SPTLC3: variants seen among roughly 807,000 people sequenced by gnomAD.
The protein encoded by SPTLC3 is serine palmitoyltransferase long chain base subunit 3, also known as serine palmitoyltransferase 3.
Under a neutral mutation model 59.3 loss-of-function variants are expected in SPTLC3, and 36 were observed. The observed-to-expected ratio is 0.61, with a 90% CI of 0.47 to 0.80. The LOEUF is 0.80. SPTLC3 is among the 30% of genes least tolerant of loss of function. The pLI is 0.00. For synonymous variants in SPTLC3, 257 were observed against 240.8 expected (o/e 1.07, Z -0.62); for missense variants, 625 against 685.1 (o/e 0.91, Z 0.98).
intron 1 of SPTLC3, among the ~76,000 whole-genome samples, chr20:13,018,921 T>C (rs1451527321): frequency 1.3e-5 from 2 of 152,190 alleles, no homozygotes; most frequent in African/African-American, 2.4e-5. Flanking sequence ...TTTCCGGTGA[T>C]TTGGAGTTCA....
chr20:13,147,786 G>C (rs1255543051), intron 9 of SPTLC3, among the ~76,000 whole-genome samples: 2 of 152,164 alleles, frequency 1.3e-5, no homozygotes, highest in Admixed American at 1.3e-4. Flanking sequence ...CTGTATTCTG[G>C]ACAGTGGTCA....
chr20:13,094,089 G>A (rs1341068076), intron 6 of SPTLC3, among the ~76,000 whole-genome samples: 1 of 152,148 alleles, frequency 6.6e-6, no homozygotes, highest in African/African-American at 2.4e-5. Context: ...GCTGGGTGGT[G>A]AGGAGCAGGC....
At chr20:13,030,278 GA>G (rs1345810601) in intron 1 of SPTLC3, among the ~76,000 whole-genome samples, 1 of 152,190 alleles carries the variant, frequency 6.6e-6, no homozygotes, top group African/African-American at 2.4e-5. Context: ...CTAGCCTTTT[GA>G]ATTTTGGTCA....
chr20:13,068,407 A>G (rs1424615853), intron 2 of SPTLC3, among the ~76,000 whole-genome samples: 1 of 152,236 alleles, frequency 6.6e-6, no homozygotes, highest in Non-Finnish European at 1.5e-5. Flanking sequence ...TTTTTGAAAT[A>G]TCAAGTCCAG....
Position 13,166,666 on chromosome 20 carries a change from C to T in SPTLC3, c.*1799C>T, listed in dbSNP as rs771173338. ...ATGAATTGTCCAAAATGCATAAATGCCTTGCGTTCTATAAAGGAAACAGGA... is the reference window on the plus strand; with the variant it reads ...ATGAATTGTCCAAAATGCATAAATGTCTTGCGTTCTATAAAGGAAACAGGA... On this transcript the variant is annotated 3_prime_UTR_variant, in exon 12 of 12. Coordinates refer to ENST00000399002, the MANE Select transcript of SPTLC3 (RefSeq NM_018327.4). The T allele has an allele frequency of 1.3e-5, 2 of 152,168 alleles. No homozygotes were observed. Among genetic ancestry groups the T allele is most frequent in the Non-Finnish European group, 2.9e-5 (2 of 68,040 alleles). The allele number at this position is 152,168 out of a possible 1,614,324, so 9.4% of individuals were successfully genotyped here.
intron 1 of SPTLC3, among the ~76,000 whole-genome samples, chr20:13,015,271 A>G (rs915176247): frequency 2.0e-5 from 3 of 152,240 alleles, no homozygotes; most frequent in African/African-American, 7.2e-5. Flanking sequence ...ATGAAAAACC[A>G]GAAACCATGA....
At chr20:13,154,222 A>C in intron 10 of SPTLC3, 84 bp downstream of exon 10, 1 of 1,543,900 alleles carries the variant, frequency 6.5e-7, no homozygotes. Flanking sequence ...TAGATTATGC[A>C]TCTGGAATGG....
intron 2 of SPTLC3, among the ~76,000 whole-genome samples, chr20:13,060,434 CTTTA>C (rs941988373): frequency 6.7e-5 from 10 of 148,738 alleles, no homozygotes; most frequent in East Asian, 5.8e-4. Context: ...GATTGTCCTA[CTTTA>C]TTTATTTTTT....
intron 1 of SPTLC3, among the ~76,000 whole-genome samples, chr20:13,042,780 T>C (rs1220199059): frequency 6.6e-6 from 1 of 152,234 alleles, no homozygotes; most frequent in South Asian, 2.1e-4. Context: ...CCACAGACTC[T>C]CAGTGTTCTT....
chr20:13,010,439 T>C (rs1985180482), intron 1 of SPTLC3, among the ~76,000 whole-genome samples: 1 of 152,106 alleles, frequency 6.6e-6, no homozygotes, highest in Non-Finnish European at 1.5e-5. Flanking sequence ...GTGTGTGCAA[T>C]TGGAAGAGGC....
chr20:13,110,341 C>T, intron 7 of SPTLC3, 124 bp downstream of exon 7: 6 of 762,686 alleles, frequency 7.9e-6, no homozygotes, highest in Non-Finnish European at 1.2e-5. Flanking sequence ...GACACAGGGA[C>T]CTGAGACAGA....
intron 10 of SPTLC3, among the ~76,000 whole-genome samples, chr20:13,159,012 G>A (rs2038836271): frequency 6.6e-6 from 1 of 152,210 alleles, no homozygotes; most frequent in African/African-American, 2.4e-5. Flanking sequence ...AAGTCACTCA[G>A]TAGTTAAGTT....
At chr20:13,112,851 C>G (rs1262169178) in intron 7 of SPTLC3, among the ~76,000 whole-genome samples, 1 of 152,162 alleles carries the variant, frequency 6.6e-6, no homozygotes, top group Admixed American at 6.6e-5. Context: ...AAAGGAAAAG[C>G]CTTTATACAG....
At chr20:13,012,968 G>A (rs550838323) in intron 1 of SPTLC3, among the ~76,000 whole-genome samples, 3 of 152,314 alleles carry the variant, frequency 2.0e-5, no homozygotes, top group East Asian at 1.9e-4. Flanking sequence ...AGGAACTCCA[G>A]AGATGAATGT....
At chr20:13,127,086 A>AT (rs1056272643) in intron 9 of SPTLC3, among the ~76,000 whole-genome samples, 8 of 152,214 alleles carry the variant, frequency 5.3e-5, no homozygotes, top group African/African-American at 1.9e-4. Context: ...CCAATTTAAT[A>AT]TCCAATTTTT....
At chr20:13,132,866 A>G (rs1037785499) in intron 9 of SPTLC3, 6 of 152,200 alleles carry the variant, frequency 3.9e-5, no homozygotes, top group African/African-American at 1.5e-4. Flanking sequence ...GCAGATCTCA[A>G]AAGAGTGAGC....
chr20:13,105,700 C>T (rs188184673), intron 6 of SPTLC3, among the ~76,000 whole-genome samples: 4 of 152,240 alleles, frequency 2.6e-5, no homozygotes, highest in Admixed American at 6.5e-5. Context: ...ATTCCAGTGT[C>T]GTCGGAGCCA....
intron 6 of SPTLC3, among the ~76,000 whole-genome samples, chr20:13,098,539 G>C: frequency 6.6e-6 from 1 of 151,946 alleles, no homozygotes; most frequent in East Asian, 1.9e-4. Context: ...ACAATTTAAG[G>C]GTTAAATTTT....
rs1459990883 is a variant in SPTLC3, at chr20:13,167,775, C to T, written c.*2908C>T. On this transcript the variant is annotated 3_prime_UTR_variant, in exon 12 of 12. Transcript: ENST00000399002. The stretch of plus-strand genomic sequence containing the variant: ...CTAAAATCCATACCCCTAGGCCCTA[C>T]ACCAGACCTTTACTGAAACATAATA... The T allele has an allele frequency of 1.3e-5, 2 of 152,204 alleles. No homozygotes were observed. Among genetic ancestry groups the T allele is most frequent in the African/African-American group, 4.8e-5 (2 of 41,450 alleles). 9.4% of individuals were successfully genotyped at this position (152,204 alleles called of 1,614,324 possible).
Sources: allele counts gnomAD v4.1 joint callset (sites outside exome capture counted in the v4.1 genomes callset), GRCh38; gene constraint gnomAD v4.1.1; transcripts MANE v1.5; gene names NCBI Gene and HGNC (gene_info 2026-07-23, HGNC 2026-07-21).